The following CDK1 variants were observed in gnomAD, a reference collection of about 807,000 sequenced individuals.
CDK1 encodes cyclin dependent kinase 1, also known as cyclin-dependent kinase 1.
A neutral mutation model predicts 34.6 loss-of-function variants in CDK1; 5 were observed. The ratio of observed to expected loss-of-function variants is 0.14; its 90% CI spans 0.08 to 0.30. The LOEUF (loss-of-function observed/expected upper bound fraction) is 0.30. CDK1 is among the 10% of genes least tolerant of loss of function. The pLI is 1.00. For missense variants in CDK1, 157 were observed against 345.7 expected, an observed-to-expected ratio of 0.45 and a Z score of 4.33; for synonymous variants, 108 against 114.7, an observed-to-expected ratio of 0.94 and a Z score of 0.37.
intron 7 of CDK1, among the ~76,000 whole-genome samples, chr10:60,793,499 A>G (rs943185256): frequency 6.9e-6 from 1 of 144,246 alleles, no homozygotes; most frequent in Admixed American, 6.9e-5. Flanking sequence ...GCCATAGTTA[A>G]TTGCCATTTC....
Position 60,793,857 on chromosome 10 carries a change from C to A in CDK1, c.796-20C>A. 2 of 1,364,426 alleles carry A rather than the reference C, an allele frequency of 1.5e-6. No homozygotes were observed. Among genetic ancestry groups the A allele is most frequent in the Non-Finnish European group, 2.0e-6 (2 of 982,512 alleles). The allele number at this position is 1,364,426 out of a possible 1,614,324, so 84.5% of individuals were successfully genotyped here. A position where few individuals can be genotyped will look rare whatever the true frequency, so the allele number is the denominator to read the frequency against. ...TGGTTTATTTCCTAAATAAATATCT[C>A]TTTTTCTTTTTTCTCCCAGAAAATG... On this transcript the variant is annotated intron_variant, in intron 7 of 7. Coordinates refer to ENST00000395284, the MANE Select transcript of CDK1 (RefSeq NM_001786.5).
In CDK1 at chr10:60,790,669, G is replaced by T. The variant is rs77368443; in HGVS notation, c.490-1221G>T. On this transcript the variant is annotated intron_variant, in intron 5 of 7. Coordinates refer to ENST00000395284, the MANE Select transcript of CDK1 (RefSeq NM_001786.5). ...TCTTCCAATAGTTTCATAGTTTAAG[G>T]TCTTATTTAATCCATTTTGAGTTGA... Among the ~76,000 whole-genome samples the T allele has an allele frequency of 2.7e-4, 41 of 152,172 alleles. No individual in the cohort carries two copies. In the East Asian group the frequency reaches 4.1e-3, roughly 15 times the overall value.
chr10:60,780,222 T>C lies in CDK1; in HGVS notation c.37+20T>C. 2.5e-6 allele frequency: 3 copies of C among 1,222,014 alleles called. No homozygotes were observed. The highest frequency in any genetic ancestry group is 2.4e-6 in the Non-Finnish European group (2 of 824,356). 75.7% of individuals were successfully genotyped at this position (1,222,014 alleles called of 1,614,324 possible). On this transcript the variant is annotated intron_variant, in intron 2 of 7. Transcript: ENST00000395284. ...GAGAAGGTGAGTGGTTTTAGTAAAATAAATTTTATGGAATGATTTAACAAT... is the reference window on the plus strand; with the variant it reads ...GAGAAGGTGAGTGGTTTTAGTAAAACAAATTTTATGGAATGATTTAACAAT...
intron 5 of CDK1, 43 bp downstream of exon 5, chr10:60,788,273 A>G (rs1222676049): frequency 3.2e-6 from 4 of 1,250,986 alleles, no homozygotes; most frequent in Non-Finnish European, 4.4e-6. Context: ...AATGTGTGTG[A>G]TTGCTAGATT....
rs367855803 is a variant in CDK1 at position 60,792,250 on chromosome 10, T to C, written c.756T>C (p.His252=). The change falls in exon 7 of 8, where the codon CAT becomes CAC. Residue 252 remains histidine, a synonymous_variant. Coordinates refer to ENST00000395284, the MANE Select transcript of CDK1 (RefSeq NM_001786.5). The stretch of plus-strand genomic sequence containing the variant: ...GGAAACCAGGAAGCCTAGCATCCCA[T>C]GTCAAAAACTTGGATGAAAATGGCT... The part of the protein sequence containing the change: ...PKWKPGSLAS[H]VKNLDENGLD... The C allele has an allele frequency of 2.6e-5, 42 of 1,611,934 alleles. No individual in the cohort carries two copies. Among genetic ancestry groups the C allele is most frequent in the Non-Finnish European group, 3.3e-5 (39 of 1,179,180 alleles).
chr10:60,788,243 G>T lies in CDK1; in HGVS notation c.489+13G>T, dbSNP rs2080332001. 1 of 1,539,062 alleles carries T rather than the reference G, an allele frequency of 6.5e-7. No individual in the cohort carries two copies. Among genetic ancestry groups the T allele is most frequent in the Admixed American group, 1.9e-5 (1 of 51,582 alleles). On this transcript the variant is annotated intron_variant, in intron 5 of 7. Transcript: ENST00000395284. Reference sequence around the variant, plus strand: ...ATATACACATGAGGCAAGTGGAATAGTGGTTTTTGATGGCTTTTGAATGTG... The same window carrying T: ...ATATACACATGAGGCAAGTGGAATATTGGTTTTTGATGGCTTTTGAATGTG...
chr10:60,780,022 A>G (rs2080258321), intron 1 of CDK1, 119 bp from the exon 2 acceptor site: 3 of 654,530 alleles, frequency 4.6e-6, no homozygotes, highest in Admixed American at 5.8e-5. Flanking sequence ...ATTAATATTT[A>G]TGGAATACTT....
At chr10:60,786,839 GT>G in intron 4 of CDK1, 1 of 960,286 alleles carries the variant, frequency 1.0e-6, no homozygotes, top group Non-Finnish European at 1.2e-6. Context: ...CTATATTTTC[GT>G]TAGGATACGT....
At chr10:60,780,026 A>G (rs1323850037) in intron 1 of CDK1, 115 bp from the exon 2 acceptor site, 10 of 659,264 alleles carry the variant, frequency 1.5e-5, no homozygotes, top group Non-Finnish European at 2.2e-5. Context: ...ATATTTATGG[A>G]ATACTTATGC....
At chr10:60,787,749 A>G (rs2080328682) in intron 4 of CDK1, 1 of 166,288 alleles carries the variant, frequency 6.0e-6, no homozygotes, top group South Asian at 2.0e-4. Context: ...TATATAGAAG[A>G]AAAATCAAGA....
chr10:60,786,186 T>C (rs754105734), intron 4 of CDK1: 189 of 899,166 alleles, frequency 2.1e-4, no homozygotes, highest in Non-Finnish European at 2.5e-4. Context: ...AGGTAAATTA[T>C]AAAATTGTAT....
chr10:60,791,908 A>C lies in CDK1; in HGVS notation c.508A>C (p.Arg170=). 1.2e-6 allele frequency: 2 copies of C among 1,611,394 alleles called. No homozygotes were observed. Among genetic ancestry groups the C allele is most frequent in the Non-Finnish European group, 1.7e-6 (2 of 1,178,276 alleles). The part of the protein sequence containing the change: ...YTHEVVTLWY[R]SPEVLLGSAR... ...TTAATAGGTAGTAACACTCTGGTAC[A>C]GATCTCCAGAAGTATTGCTGGGGTC... The change falls in exon 6 of 8, where the codon AGA becomes CGA. Residue 170 remains arginine (R), a synonymous_variant. Coordinates refer to ENST00000395284, the MANE Select transcript of CDK1 (RefSeq NM_001786.5).
chr10:60,793,490 C>G (rs2080375599), intron 7 of CDK1, among the ~76,000 whole-genome samples: 1 of 149,600 alleles, frequency 6.7e-6, no homozygotes, highest in Non-Finnish European at 1.5e-5. Flanking sequence ...TCAGAAACTG[C>G]CATAGTTAAT....
At position 60,792,068 on chromosome 10, in the gene CDK1, C is replaced by A; in HGVS notation, c.653+15C>A. On this transcript the variant is annotated intron_variant, in intron 6 of 7. Transcript: ENST00000395284. ...AGGATTTTCAGGTAGCTATTAAAAA[C>A]TGAGATAATAAAGGTAACATATATG... 6.2e-7 allele frequency: 1 copy of A among 1,605,772 alleles called. No homozygotes were observed. Among genetic ancestry groups the A allele is most frequent in the Non-Finnish European group, 8.5e-7 (1 of 1,174,798 alleles).
At chr10:60,787,956 T>G (rs913023626) in intron 4 of CDK1, 104 bp from the exon 5 acceptor site, 6 of 607,344 alleles carry the variant, frequency 9.9e-6, no homozygotes, top group Non-Finnish European at 1.7e-5. Flanking sequence ...AAAGCTCTAG[T>G]AATTAAATTA....
In CDK1 at chr10:60,791,977, A is replaced by G. The variant is rs753490763; in HGVS notation, c.577A>G (p.Ile193Val). 15 of 1,611,220 alleles carry G rather than the reference A, an allele frequency of 9.3e-6. No homozygotes were observed. In the Admixed American group the frequency reaches 1.3e-4, roughly 14 times the overall value. Reference sequence around the variant, plus strand: ...AGTTGACATTTGGAGTATAGGCACCATATTTGCTGAACTAGCAACTAAGAA... The same window carrying G: ...AGTTGACATTTGGAGTATAGGCACCGTATTTGCTGAACTAGCAACTAAGAA... ...TPVDIWSIGT[I>V]FAELATKKPL... Residue 193 changes from isoleucine to valine, a missense_variant, in exon 6 of 8, where the codon ATA (isoleucine) becomes GTA (valine). Ile to Val is a conservative substitution (Grantham distance 29, BLOSUM62 3). Around this residue, in one of 3 missense-constraint regions of CDK1, gnomAD observed 102 missense variants for 233.6 expected, o/e 0.44. Transcript: ENST00000395284.
rs2080303447 is a variant in CDK1, at chr10:60,785,011, A to T, written c.194+150A>T. 7 of 661,594 alleles carry T rather than the reference A, an allele frequency of 1.1e-5. No individual in the cohort carries two copies. In the Admixed American group the frequency reaches 1.1e-4, roughly 10 times the overall value. The allele number at this position is 661,594 out of a possible 1,614,324, so 41.0% of individuals were successfully genotyped here. A position where few individuals can be genotyped will look rare whatever the true frequency, so the allele number is the denominator to read the frequency against. ...TTTTTGGTAGTTGAGAATGCCGCAC[A>T]TATGTAAAAGAGAACAGGCTGTTAA... On this transcript the variant is annotated intron_variant, in intron 3 of 7. Coordinates refer to ENST00000395284, the MANE Select transcript of CDK1 (RefSeq NM_001786.5).
intron 2 of CDK1, 50 bp from the exon 3 acceptor site, chr10:60,784,655 T>A: frequency 2.1e-6 from 3 of 1,447,772 alleles, no homozygotes; most frequent in South Asian, 1.3e-5. Flanking sequence ...GAAAAAAAGA[T>A]CTTTAGTTTG....
At chr10:60,787,390 G>A (rs559542628) in intron 4 of CDK1, among the ~76,000 whole-genome samples, 3 of 152,142 alleles carry the variant, frequency 2.0e-5, no homozygotes, top group African/African-American at 7.2e-5. Context: ...TAACCAGATG[G>A]ATCATCCGTT....
Sources: allele counts gnomAD v4.1 joint callset (sites outside exome capture counted in the v4.1 genomes callset), GRCh38; gene constraint gnomAD v4.1.1; regional missense constraint gnomAD v4.1.1; transcripts MANE v1.5; gene names NCBI Gene and HGNC (gene_info 2026-07-23, HGNC 2026-07-21).